BBS7: variants seen among roughly 807,000 people sequenced by gnomAD.
The protein encoded by BBS7 is BBSome complex member BBS7.
In BBS7, 50 loss-of-function variants were observed where a neutral mutation model predicts 90.3. The observed-to-expected ratio is 0.55, with a 90% CI of 0.44 to 0.70. The LOEUF is 0.70. Ranked by LOEUF, BBS7 falls within the 30% of genes least tolerant of loss-of-function variation. The probability of loss-of-function intolerance (pLI) is 0.00; values close to 1 mark genes in which losing one functional copy is unlikely to be tolerated. For synonymous variants in BBS7, 235 were observed against 287.4 expected (o/e 0.82, Z 1.85); for missense variants, 729 against 838.9 (o/e 0.87, Z 1.62).
intron 1 of BBS7, among the ~76,000 whole-genome samples, chr4:121,869,616 G>A (rs1402488501): frequency 1.3e-5 from 2 of 152,124 alleles, no homozygotes; most frequent in Non-Finnish European, 2.9e-5. Context: ...TCAGCTCACT[G>A]CAGCCTCCGC....
Position 121,861,537 on chromosome 4 carries a change from A to G in BBS7, c.308T>C (p.Phe103Ser), listed in dbSNP as rs1444574615. Residue 103 changes from phenylalanine to serine, a missense_variant, in exon 4 of 19, where the codon TTT (phenylalanine) becomes TCT (serine). Phe to Ser is a radical substitution (Grantham distance 155). Transcript: ENST00000264499. Reference sequence around the variant, plus strand: ...AATGCTTTCAGTGAGGTTTGTTTCAAAGGAGAGGAACTGTTTTCCTCTTTT... The same window carrying G: ...AATGCTTTCAGTGAGGTTTGTTTCAGAGGAGAGGAACTGTTTTCCTCTTTT... The part of the protein sequence containing the change: ...FTKRGKQFLS[F>S]ETNLTESIKA... The G allele has an allele frequency of 6.2e-7, 1 of 1,613,722 alleles. No homozygotes were observed. The highest frequency in any genetic ancestry group is 8.5e-7 in the Non-Finnish European group (1 of 1,179,736).
Position 121,855,498 on chromosome 4 carries a change from CATTGT to C in BBS7, c.587_591del (p.His196ArgfsTer5). The C allele has an allele frequency of 6.2e-7, 1 of 1,613,280 alleles. No individual in the cohort carries two copies. On this transcript the variant is annotated frameshift_variant, in exon 6 of 19. Coordinates refer to ENST00000264499, the MANE Select transcript of BBS7 (RefSeq NM_176824.3). LOFTEE classifies it high-confidence loss of function. ...ATAAAATCCTGATTACCGCCATTTCCATTGTGTAGTGCTAAGACAGTAGGGGGTCC... is the reference window on the plus strand; with the variant it reads ...ATAAAATCCTGATTACCGCCATTTCCGTAGTGCTAAGACAGTAGGGGGTCC...
chr4:121,824,458 G>C lies in BBS7; in HGVS notation c.*1402C>G, dbSNP rs1397396490. On this transcript the variant is annotated 3_prime_UTR_variant, in exon 19 of 19. Transcript: ENST00000264499. The surrounding 1 kb of genome is among the most constrained non-coding windows in gnomAD (Gnocchi z 4.1). The stretch of plus-strand genomic sequence containing the variant: ...TGTAATGTCATCTTAACATTTAGGC[G>C]TTTATTCATAGTAACCAGAAATTGT... 6.6e-6 allele frequency: 1 copy of C among 152,120 alleles called. No individual in the cohort carries two copies. The highest frequency in any genetic ancestry group is 1.5e-5 in the Non-Finnish European group (1 of 68,022). 9.4% of individuals were successfully genotyped at this position (152,120 alleles called of 1,614,324 possible). A position where few individuals can be genotyped will look rare whatever the true frequency, so the allele number is the denominator to read the frequency against.
chr4:121,829,839 A>G (rs896080355), intron 15 of BBS7, among the ~76,000 whole-genome samples: 24 of 152,370 alleles, frequency 1.6e-4, no homozygotes, highest in South Asian at 4.1e-4. Context: ...CCAAGAAAAG[A>G]TAAAAGCAGA....
At chr4:121,859,560 A>G (rs1166885875) in intron 4 of BBS7, among the ~76,000 whole-genome samples, 2 of 152,144 alleles carry the variant, frequency 1.3e-5, no homozygotes, top group African/African-American at 4.8e-5. Context: ...ATTAATCATC[A>G]TAACTCTATA....
chr4:121,856,978 A>G (rs373374538), intron 5 of BBS7, among the ~76,000 whole-genome samples: 220 of 152,222 alleles, frequency 1.4e-3, no homozygotes, highest in African/African-American at 5.2e-3. Context: ...CATGTTGGCC[A>G]GACTGGTCTT....
chr4:121,833,234 T>G lies in BBS7; in HGVS notation c.1673A>C (p.Tyr558Ser). 1 of 1,613,594 alleles carries G rather than the reference T, an allele frequency of 6.2e-7. No individual in the cohort carries two copies. The change falls in exon 15 of 19, where the codon TAC becomes TCC. Residue 558 changes from tyrosine (Y) to serine (S), a missense_variant. Physicochemically the swap from Tyr to Ser is moderately radical, Grantham distance 144. Transcript: ENST00000264499. ...TFLDTQLEST[Y>S]RKGEGVFKSD... is the part of the protein sequence containing the mutation. Reference sequence around the variant, plus strand: ...ACCAGTAATAAGTTAGATTTACCTGTAGGTACTTTCAAGTTGTGTATCTAG... The same window carrying G: ...ACCAGTAATAAGTTAGATTTACCTGGAGGTACTTTCAAGTTGTGTATCTAG...
At chr4:121,855,405 T>A (rs182971363) in intron 6 of BBS7, 84 bp downstream of exon 6, 1 of 1,239,400 alleles carries the variant, frequency 8.1e-7, no homozygotes, top group East Asian at 2.4e-5. Flanking sequence ...GTCTCAATTC[T>A]AGTTTATGTC....
At chr4:121,855,663 C>T (rs1726571716) in intron 5 of BBS7, 102 bp from the exon 6 acceptor site, 2 of 1,065,276 alleles carry the variant, frequency 1.9e-6, no homozygotes, top group Non-Finnish European at 2.9e-6. Flanking sequence ...CTTAGTAACA[C>T]CTAGAATAAA....
chr4:121,837,700 A>T (rs1298907483), intron 13 of BBS7, among the ~76,000 whole-genome samples: 2 of 152,134 alleles, frequency 1.3e-5, no homozygotes, highest in South Asian at 4.1e-4. Context: ...ATGTTTTATC[A>T]TATGGCAAAG....
At position 121,854,705 on chromosome 4, in the gene BBS7, T is replaced by G. The variant is rs1218693847; in HGVS notation, c.717A>C (p.Gly239=). Residue 239 remains glycine, a splice_region_variant and synonymous_variant, in exon 7 of 19, where the codon GGA becomes GGC. Coordinates refer to ENST00000264499, the MANE Select transcript of BBS7 (RefSeq NM_176824.3). ...ATCTGAACTACATGAAAAGCATACC[T>G]CCTCTCTTTTTCTCATTTTGAATTT... ...KWEIQNEKKR[G]GILCIDSFDI... is the part of the protein sequence containing the mutation. The G allele has an allele frequency of 6.2e-7, 1 of 1,611,314 alleles. No homozygotes were observed. Among genetic ancestry groups the G allele is most frequent in the Non-Finnish European group, 8.5e-7 (1 of 1,178,334 alleles).
Position 121,859,087 on chromosome 4 carries a change from C to A in BBS7, c.433G>T (p.Asp145Tyr). Reference sequence around the variant, plus strand: ...AGGCAGATCACATCATTGATTTTATCCCCAGAAAGGTAATAATGTTGGTCT... The same window carrying A: ...AGGCAGATCACATCATTGATTTTATACCCAGAAAGGTAATAATGTTGGTCT... ...CKDQHYYLSGDKINDVICLPV... is the reference protein window; with the variant it reads ...CKDQHYYLSGYKINDVICLPV... Residue 145 changes from aspartate to tyrosine, a missense_variant, in exon 5 of 19, where the codon GAT becomes TAT. Physicochemically the swap from Asp to Tyr is radical, Grantham distance 160. Transcript: ENST00000264499. 1 of 1,613,532 alleles carries A rather than the reference C, an allele frequency of 6.2e-7. No homozygotes were observed.
intron 10 of BBS7, 36 bp from the exon 11 acceptor site, chr4:121,845,732 G>A: frequency 6.4e-7 from 1 of 1,558,116 alleles, no homozygotes; most frequent in Non-Finnish European, 8.8e-7. Context: ...TCAAATATAA[G>A]TATAAACATT....
At position 121,855,552 on chromosome 4, in the gene BBS7, C is replaced by T. The variant is rs2149080343; in HGVS notation, c.538G>A (p.Val180Met). The T allele has an allele frequency of 6.2e-7, 1 of 1,613,350 alleles. No individual in the cohort carries two copies. Among genetic ancestry groups the T allele is most frequent in the East Asian group, 2.2e-5 (1 of 44,820 alleles). Residue 180 changes from valine (V) to methionine (M), a missense_variant, in exon 6 of 19, where the codon GTG (valine) becomes ATG (methionine). Physicochemically the swap from Val to Met is conservative, Grantham distance 21. Transcript: ENST00000264499. ...RVLRVLQGSD[V>M]MYAVEVPGPP... ...CCAGGAACTTCAACTGCATACATCA[C>T]ATCAGATCCCTGAAGGAGAAGTATT...
intron 5 of BBS7, 139 bp downstream of exon 5, chr4:121,858,853 G>T: frequency 2.5e-6 from 2 of 796,528 alleles, no homozygotes; most frequent in Non-Finnish European, 3.9e-6. Flanking sequence ...AAATTAATAT[G>T]TCAAATTATT....
In BBS7 at chr4:121,825,979, G is replaced by T. The variant is rs1403176454; in HGVS notation, c.2029C>A (p.Leu677Ile). The T allele has an allele frequency of 6.3e-7, 1 of 1,599,128 alleles. No homozygotes were observed. Among genetic ancestry groups the T allele is most frequent in the Non-Finnish European group, 8.6e-7 (1 of 1,167,684 alleles). The change falls in exon 19 of 19, where the codon CTT (leucine) becomes ATT (isoleucine). Residue 677 changes from leucine (L) to isoleucine (I), a missense_variant. Coordinates refer to ENST00000264499, the MANE Select transcript of BBS7 (RefSeq NM_176824.3). The stretch of plus-strand genomic sequence containing the variant: ...TTAAACTTAAATTTATCTATGAAAA[G>T]ATCAGTGATCATGCCTTTAAAGAAA... Reference protein sequence around the residue: ...LERLYGMITDLFIDKFKFKGT... With the variant: ...LERLYGMITDIFIDKFKFKGT...
chr4:121,843,460 C>T (rs574785010), intron 12 of BBS7, among the ~76,000 whole-genome samples: 4 of 152,268 alleles, frequency 2.6e-5, no homozygotes, highest in African/African-American at 9.6e-5. Context: ...GGAGGTAGAA[C>T]TGACAGAAAC....
intron 4 of BBS7, among the ~76,000 whole-genome samples, chr4:121,859,732 TA>T (rs1323356993): frequency 1.3e-5 from 2 of 152,044 alleles, no homozygotes; most frequent in African/African-American, 4.8e-5. Flanking sequence ...AAGTCTATTT[TA>T]AGTGATTCTA....
chr4:121,843,315 A>T (rs114160632), intron 12 of BBS7, among the ~76,000 whole-genome samples: 1 of 152,212 alleles, frequency 6.6e-6, no homozygotes, highest in Non-Finnish European at 1.5e-5. Flanking sequence ...GGTAGTGTAC[A>T]TACAGCATAT....
Sources: allele counts gnomAD v4.1 joint callset (sites outside exome capture counted in the v4.1 genomes callset), GRCh38; gene constraint gnomAD v4.1.1; non-coding constraint Gnocchi (gnomAD v3.1); transcripts MANE v1.5; gene names NCBI Gene and HGNC (gene_info 2026-07-23, HGNC 2026-07-21).